ASCC1: variants seen among roughly 807,000 people sequenced by gnomAD.
The protein encoded by ASCC1 is activating signal cointegrator 1 complex subunit 1.
A neutral mutation model predicts 46.6 loss-of-function variants in ASCC1; 35 were observed. The ratio of observed to expected loss-of-function variants is 0.75; its 90% CI spans 0.57 to 0.99. The LOEUF is 0.99. Among genes scored for constraint, ASCC1 ranks in the 50% least tolerant of loss-of-function variants. The pLI is 0.00. For synonymous variants in ASCC1, 143 were observed against 146.6 expected (o/e 0.98, Z 0.18); for missense variants, 376 against 428.7 (o/e 0.88, Z 1.09).
At position 72,098,688 on chromosome 10, in the gene ASCC1, G is replaced by T. The variant is rs150176654; in HGVS notation, c.958-1238C>A. Among the ~76,000 whole-genome samples, 45 of 152,350 alleles carry T rather than the reference G, an allele frequency of 3.0e-4. 1 individual carries two copies. In the East Asian group the frequency reaches 7.1e-3, roughly 24 times the overall value. ...CAATTAATGGCCTAGCAAAATGCCT[G>T]AGGGTTCATTAAAGGCTAACTTTAT... On this transcript the variant is annotated intron_variant, in intron 9 of 9. Transcript: ENST00000672957.
At chr10:72,181,243 T>A (rs576604651) in intron 5 of ASCC1, among the ~76,000 whole-genome samples, 2 of 152,090 alleles carry the variant, frequency 1.3e-5, no homozygotes. Flanking sequence ...GGATTACAGG[T>A]GTGAGCCACC....
At chr10:72,107,782 A>C (rs1274160933) in intron 9 of ASCC1, among the ~76,000 whole-genome samples, 1 of 152,232 alleles carries the variant, frequency 6.6e-6, no homozygotes, top group African/African-American at 2.4e-5. Flanking sequence ...TTGGAATCTT[A>C]ACATATTGTA....
At chr10:72,114,263 G>T (rs962618568) in intron 9 of ASCC1, among the ~76,000 whole-genome samples, 1 of 152,212 alleles carries the variant, frequency 6.6e-6, no homozygotes, top group African/African-American at 2.4e-5. Flanking sequence ...TTGAAAGATT[G>T]TGAGTATGAG....
chr10:72,144,705 C>CT (rs1396534457), intron 7 of ASCC1, among the ~76,000 whole-genome samples: 4 of 151,752 alleles, frequency 2.6e-5, no homozygotes, highest in Non-Finnish European at 4.4e-5. Context: ...AATATCCTGC[C>CT]TCTCCCTTGA....
chr10:72,160,903 G>A (rs939638288), intron 6 of ASCC1, among the ~76,000 whole-genome samples: 11 of 151,480 alleles, frequency 7.3e-5, no homozygotes, highest in African/African-American at 2.4e-4. Context: ...CTAAAATGGT[G>A]AAACCCCGTC....
intron 9 of ASCC1, among the ~76,000 whole-genome samples, chr10:72,126,880 AAG>A (rs1207014555): frequency 1.3e-5 from 2 of 152,188 alleles, no homozygotes; most frequent in Non-Finnish European, 2.9e-5. Context: ...ACTACTCAAA[AAG>A]AGAAAACATA....
intron 1 of ASCC1, among the ~76,000 whole-genome samples, chr10:72,215,542 C>G (rs1020095264): frequency 2.6e-5 from 4 of 152,134 alleles, no homozygotes; most frequent in African/African-American, 9.7e-5. Context: ...GACATCACAA[C>G]CCAGTGGCCT....
At chr10:72,114,085 T>C (rs1212219425) in intron 9 of ASCC1, among the ~76,000 whole-genome samples, 1 of 152,256 alleles carries the variant, frequency 6.6e-6, no homozygotes. Context: ...TCACTGTCCA[T>C]GTTTCAAGTT....
intron 9 of ASCC1, among the ~76,000 whole-genome samples, chr10:72,126,549 C>T (rs3780949): frequency 0.52 from 78,751 of 151,856 alleles, 22,819 homozygotes; most frequent in African/African-American, 0.79. Flanking sequence ...CCCACTCTTA[C>T]AGATGTCAAA....
rs181039714 is a variant in ASCC1, at chr10:72,151,816, G to A, written c.746+1053C>T. 2.9e-3 allele frequency among the ~76,000 whole-genome samples: 434 copies of A among 151,296 alleles called. 5 individuals carry two copies. Among genetic ancestry groups the A allele is most frequent in the East Asian group, 0.017 (87 of 5,100 alleles). Reference sequence around the variant, plus strand: ...TGATTCTCCTGCCTCAGCCTCCCGAGTAGCTGGGACTACAGGAGCATGCCA... The same window carrying A: ...TGATTCTCCTGCCTCAGCCTCCCGAATAGCTGGGACTACAGGAGCATGCCA... On this transcript the variant is annotated intron_variant, in intron 7 of 9. Coordinates refer to ENST00000672957, the MANE Select transcript of ASCC1 (RefSeq NM_001198800.3).
At chr10:72,183,335 G>A (rs1250303263) in intron 5 of ASCC1, among the ~76,000 whole-genome samples, 2 of 152,170 alleles carry the variant, frequency 1.3e-5, no homozygotes, top group Non-Finnish European at 2.9e-5. Context: ...GAGCCACTGA[G>A]CCCAGGCAAC....
intron 9 of ASCC1, among the ~76,000 whole-genome samples, chr10:72,105,024 T>C (rs1186128380): frequency 6.6e-6 from 1 of 152,168 alleles, no homozygotes; most frequent in Admixed American, 6.5e-5. Flanking sequence ...CCAGCTCCCA[T>C]GTCTGCTGAG....
chr10:72,106,282 T>A (rs1228256095), intron 9 of ASCC1, among the ~76,000 whole-genome samples: 1 of 151,686 alleles, frequency 6.6e-6, no homozygotes, highest in African/African-American at 2.4e-5. Context: ...AACCAACCTT[T>A]AGAATATAAT....
chr10:72,160,850 A>G (rs141200980), intron 6 of ASCC1, among the ~76,000 whole-genome samples: 4,341 of 151,224 alleles, frequency 0.029, 86 homozygotes, highest in Non-Finnish European at 0.043. Context: ...TTGGGAGGCC[A>G]AGGCGGGCGG....
chr10:72,206,075 G>T (rs1026181032), intron 3 of ASCC1, among the ~76,000 whole-genome samples: 5 of 149,738 alleles, frequency 3.3e-5, no homozygotes, highest in African/African-American at 7.5e-5. Flanking sequence ...TTCCACTCCA[G>T]CCTGGGTGAC....
At chr10:72,109,633 G>A (rs1191071452) in intron 9 of ASCC1, among the ~76,000 whole-genome samples, 2 of 152,204 alleles carry the variant, frequency 1.3e-5, no homozygotes, top group Admixed American at 6.5e-5. Context: ...GGATTATCAA[G>A]TTTAAGACTG....
intron 5 of ASCC1, among the ~76,000 whole-genome samples, chr10:72,169,895 G>A (rs1056298423): frequency 1.3e-5 from 2 of 152,154 alleles, no homozygotes; most frequent in South Asian, 4.1e-4. Context: ...CAAGATGGGC[G>A]GATCACCTGA....
At chr10:72,181,681 C>T (rs1589498085) in intron 5 of ASCC1, among the ~76,000 whole-genome samples, 1 of 151,390 alleles carries the variant, frequency 6.6e-6, no homozygotes, top group Admixed American at 6.6e-5. Context: ...ACTTGTGCAC[C>T]AATATCAAGT....
At chr10:72,194,218 A>T (rs915975859) in intron 5 of ASCC1, among the ~76,000 whole-genome samples, 1 of 151,996 alleles carries the variant, frequency 6.6e-6, no homozygotes, top group Non-Finnish European at 1.5e-5. Context: ...TCCTACAAAT[A>T]AATTTTTAAA....
Sources: gnomAD v4.1 joint callset for allele counts (sites outside exome capture counted in the v4.1 genomes callset) on GRCh38, gnomAD v4.1.1 for gene constraint, MANE v1.5 for transcripts, NCBI Gene and HGNC (gene_info 2026-07-23, HGNC 2026-07-21) for gene names.